The following SLC25A3 variants were observed in gnomAD, a reference collection of about 807,000 sequenced individuals.
The protein encoded by SLC25A3 is phosphate transport protein.
In SLC25A3, 14 loss-of-function variants were observed where a neutral mutation model predicts 37.1. The ratio of observed to expected loss-of-function variants is 0.38; its 90% confidence interval spans 0.25 to 0.59. The LOEUF is 0.59. Ranked by LOEUF, SLC25A3 falls within the 20% of genes least tolerant of loss-of-function variation. The pLI, the probability that SLC25A3 is intolerant of heterozygous loss-of-function variation, is 0.67. For synonymous variants in SLC25A3, 161 were observed against 168.7 expected, an observed-to-expected ratio of 0.95 and a Z score of 0.36; for missense variants, 385 against 458.1, an observed-to-expected ratio of 0.84 and a Z score of 1.46.
Position 98,594,183 on chromosome 12 carries a change from C to CT in SLC25A3, c.157+48_157+49insT, listed in dbSNP as rs1337081748. 8.7e-6 allele frequency: 13 copies of CT among 1,494,324 alleles called. No individual in the cohort carries two copies. In the Admixed American group the frequency reaches 2.2e-4, roughly 25 times the overall value. The allele number at this position is 1,494,324 out of a possible 1,614,324, so 92.6% of individuals were successfully genotyped here. On this transcript the variant is annotated intron_variant, in intron 2 of 7. Transcript: ENST00000552981. ...ACAGTCGTGTGGTCTACTTGTGGGCCGCCCAGCCTTTGAGGCCTGGACCCG... is the reference window on the plus strand; with the variant it reads ...ACAGTCGTGTGGTCTACTTGTGGGCCTGCCCAGCCTTTGAGGCCTGGACCCG...
rs1446845772 is a variant in SLC25A3 at position 98,603,405 on chromosome 12, ACATAACATCACTTTTAC to A, written c.*1881_*1897del. On this transcript the variant is annotated 3_prime_UTR_variant, in exon 8 of 8. Transcript: ENST00000552981. ...TTTTTAGGACTTATCCTTCAATGTC[ACATAACATCACTTTTAC>A]CATGCTCTTGGTTACAACAGTGATG... The A allele has an allele frequency of 6.6e-6, 1 of 152,174 alleles. No homozygotes were observed. The highest frequency in any genetic ancestry group is 1.9e-4 in the East Asian group (1 of 5,194). The allele number at this position is 152,174 out of a possible 1,614,324, so 9.4% of individuals were successfully genotyped here.
chr12:98,593,916 G>T, intron 1 of SLC25A3, 59 bp from the exon 2 acceptor site: 2 of 1,605,090 alleles, frequency 1.2e-6, no homozygotes, highest in Non-Finnish European at 1.7e-6. Context: ...GTTCCAGGGC[G>T]CCGGTAACGT....
At chr12:98,594,402 A>C in intron 2 of SLC25A3, 2 of 696,686 alleles carry the variant, frequency 2.9e-6, no homozygotes, top group African/African-American at 1.7e-5. Context: ...GGCCGTGACT[A>C]GCTCTTTCTC....
chr12:98,596,842 GA>G (rs2097593386), intron 3 of SLC25A3, among the ~76,000 whole-genome samples: 1 of 152,098 alleles, frequency 6.6e-6, no homozygotes, highest in African/African-American at 2.4e-5. Flanking sequence ...CCAACATGGT[GA>G]AACCTCATCT....
chr12:98,597,181 A>G (rs1447687459), intron 3 of SLC25A3, among the ~76,000 whole-genome samples: 2 of 152,148 alleles, frequency 1.3e-5, no homozygotes, highest in Non-Finnish European at 2.9e-5. Flanking sequence ...TACCCTCTTA[A>G]CTATCACTCC....
intron 5 of SLC25A3, among the ~76,000 whole-genome samples, chr12:98,599,444 A>G (rs1341605760): frequency 3.3e-5 from 5 of 152,020 alleles, no homozygotes; most frequent in African/African-American, 1.2e-4. Context: ...TAGAACATAA[A>G]CTTGAGAGGT....
rs1040252087 is a variant in SLC25A3, at chr12:98,594,465, G to C, written c.157+330G>C. The C allele has an allele frequency of 9.2e-6, 6 of 652,154 alleles. No individual in the cohort carries two copies. In the African/African-American group the frequency reaches 1.1e-4, roughly 12 times the overall value. 40.4% of individuals were successfully genotyped at this position (652,154 alleles called of 1,614,324 possible). A position where few individuals can be genotyped will look rare whatever the true frequency, so the allele number is the denominator to read the frequency against. On this transcript the variant is annotated intron_variant, in intron 2 of 7. Transcript: ENST00000552981. ...TAAGTACTGGGTAAACTCTCCTCCC[G>C]AAACTACTGACCACCCACAGTTCTA...
rs2097598584 is a variant in SLC25A3 at position 98,602,361 on chromosome 12, C to T, written c.*833C>T. The stretch of plus-strand genomic sequence containing the variant: ...GTATTTTTAGTAGAGACGGGGTTTC[C>T]CTGTGTTGGTCAGGCTGGTCTCGAA... On this transcript the variant is annotated 3_prime_UTR_variant, in exon 8 of 8. Transcript: ENST00000552981. 1 of 152,262 alleles carries T rather than the reference C, an allele frequency of 6.6e-6. No homozygotes were observed. Among genetic ancestry groups the T allele is most frequent in the Admixed American group, 6.6e-5 (1 of 15,252 alleles). The allele number at this position is 152,262 out of a possible 1,614,324, so 9.4% of individuals were successfully genotyped here.
chr12:98,596,799 A>G (rs977930179), intron 3 of SLC25A3, among the ~76,000 whole-genome samples: 2 of 152,164 alleles, frequency 1.3e-5, no homozygotes, highest in Non-Finnish European at 2.9e-5. Flanking sequence ...GGGTCACTTG[A>G]GGTCAGGAGT....
Position 98,601,187 on chromosome 12 carries a change from A to C in SLC25A3, c.831A>C (p.Ala277=), listed in dbSNP as rs764571045. The change falls in exon 7 of 8, where the codon GCA becomes GCC. Residue 277 remains alanine (A), a synonymous_variant. Coordinates refer to ENST00000552981, the MANE Select transcript of SLC25A3 (RefSeq NM_002635.4). ...TTTTTTCAGCTGGAGTCTTTTGTGC[A>C]ATTGTTTCTCACCCTGCTGATTCTG... ...VAGYIAGVFC[A]IVSHPADSVV... 3 of 1,613,068 alleles carry C rather than the reference A, an allele frequency of 1.9e-6. No individual in the cohort carries two copies. The highest frequency in any genetic ancestry group is 2.5e-6 in the Non-Finnish European group (3 of 1,179,754).
In SLC25A3 at chr12:98,595,742, T is replaced by A; in HGVS notation, c.173T>A (p.Phe58Tyr). 24 of 1,614,186 alleles carry A rather than the reference T, an allele frequency of 1.5e-5. No homozygotes were observed. Among genetic ancestry groups the A allele is most frequent in the Non-Finnish European group, 2.0e-5 (24 of 1,180,004 alleles). The change falls in exon 3 of 8, where the codon TTT becomes TAT. Residue 58 changes from phenylalanine (F) to tyrosine (Y), a missense_variant. By Grantham distance (22) the Phe-to-Tyr change is conservative. This residue lies in a region of SLC25A3 where 109 missense variants were observed against 90.5 expected (regional missense o/e 1.20). Transcript: ENST00000552981. Reference protein sequence around the residue: ...AAAVEEYSCEFGSAKYYALCG... With the variant: ...AAAVEEYSCEYGSAKYYALCG... ...CTTACTACAGAGTACAGTTGTGAAT[T>A]TGGCTCCGCGAAGTATTATGCACTG...
chr12:98,594,454 A>T (rs758762260), intron 2 of SLC25A3: 2 of 662,654 alleles, frequency 3.0e-6, no homozygotes, highest in Non-Finnish European at 5.5e-6. Context: ...TACTGGGTAA[A>T]CTCTCCTCCC....
At chr12:98,595,409 A>AT (rs758319058) in intron 2 of SLC25A3, 5,175 of 1,253,822 alleles carry the variant, frequency 4.1e-3, no homozygotes, top group Non-Finnish European at 4.8e-3. Context: ...TACTTACTTG[A>AT]TTTTTTTTTT....
intron 2 of SLC25A3, chr12:98,595,410 T>G: frequency 9.6e-7 from 1 of 1,037,842 alleles, no homozygotes; most frequent in Non-Finnish European, 1.3e-6. Context: ...ACTTACTTGA[T>G]TTTTTTTTTT....
At position 98,605,967 on chromosome 12, in the gene SLC25A3, T is replaced by C. The variant is rs1033278923; in HGVS notation, c.*4439T>C. 1 of 151,616 alleles carries C rather than the reference T, an allele frequency of 6.6e-6. No individual in the cohort carries two copies. Among genetic ancestry groups the C allele is most frequent in the East Asian group, 1.9e-4 (1 of 5,150 alleles). The allele number at this position is 151,616 out of a possible 1,614,324, so 9.4% of individuals were successfully genotyped here. On this transcript the variant is annotated 3_prime_UTR_variant, in exon 8 of 8. Transcript: ENST00000552981. ...ACCCCTCTCTCTACAAAAAATAAAT[T>C]AGCCAGGCATGGTGGCACGTGCCTG...
rs2097597868 is a variant in SLC25A3 at position 98,601,500 on chromosome 12, TGAA to T, written c.1066_1068del (p.Lys356del). The T allele has an allele frequency of 6.2e-7, 1 of 1,613,706 alleles. No individual in the cohort carries two copies. Among genetic ancestry groups the T allele is most frequent in the East Asian group, 2.2e-5 (1 of 44,878 alleles). On this transcript the variant is annotated inframe_deletion, in exon 8 of 8. Transcript: ENST00000552981. ...CCTCCACCCGAGATGCCAGAGTCTC[TGAA>T]GAAGAAGCTTGGGTTAACTCAGTAG...
chr12:98,593,924 C>A, intron 1 of SLC25A3, 51 bp from the exon 2 acceptor site: 1 of 1,610,610 alleles, frequency 6.2e-7, no homozygotes, highest in Non-Finnish European at 8.5e-7. Context: ...GCGCCGGTAA[C>A]GTTAACCGGC....
chr12:98,597,252 G>C (rs2097593764), intron 3 of SLC25A3, among the ~76,000 whole-genome samples: 1 of 152,036 alleles, frequency 6.6e-6, no homozygotes, highest in African/African-American at 2.4e-5. Flanking sequence ...ATTTATAAAA[G>C]TAATCAAATG....
intron 5 of SLC25A3, 76 bp downstream of exon 5, chr12:98,598,779 TTG>T (rs2097595235): frequency 3.6e-6 from 5 of 1,400,622 alleles, no homozygotes; most frequent in African/African-American, 2.9e-5. Context: ...GTTTTTTTTT[TTG>T]TTTTGTTTTT....
Sources: gnomAD v4.1 joint callset for allele counts (sites outside exome capture counted in the v4.1 genomes callset) on GRCh38, gnomAD v4.1.1 for gene constraint, gnomAD v4.1.1 regional missense constraint, MANE v1.5 for transcripts, NCBI Gene and HGNC (gene_info 2026-07-23, HGNC 2026-07-21) for gene names.